PRELID2: variants seen among roughly 807,000 people sequenced by gnomAD.
PRELID2 encodes PRELI domain-containing protein 2.
In PRELID2, 25 loss-of-function variants were observed where a neutral mutation model predicts 28.4. That is an observed-to-expected ratio of 0.88 (90% CI 0.64 to 1.23). PRELID2 has a LOEUF of 1.23. PRELID2 is among the 50% of genes most tolerant of loss of function. The pLI is 0.00. For synonymous variants in PRELID2, 76 were observed against 71.6 expected (o/e 1.06, Z -0.31); for missense variants, 201 against 214.4 (o/e 0.94, Z 0.39).
At chr5:145,408,124 C>G in the PRELID2 span, among the ~76,000 whole-genome samples, 1 of 151,972 alleles carries the variant, frequency 6.6e-6, no homozygotes, top group South Asian at 2.1e-4. Flanking sequence ...AGGAATTACC[C>G]CATGGCAGAA....
chr5:145,743,440 A>G (rs1171503495), intron 1 of PRELID2, among the ~76,000 whole-genome samples: 1 of 151,298 alleles, frequency 6.6e-6, no homozygotes, highest in African/African-American at 2.4e-5. Flanking sequence ...AGAAAGAAAA[A>G]GAGAAAAGGA....
chr5:145,390,614 A>T, the PRELID2 span, among the ~76,000 whole-genome samples: 1 of 152,126 alleles, frequency 6.6e-6, no homozygotes, highest in African/African-American at 2.4e-5. Flanking sequence ...TTGGGTGGGG[A>T]CAGAGCCAAA....
intron 1 of PRELID2, among the ~76,000 whole-genome samples, chr5:145,606,922 C>T (rs1000831456): frequency 6.6e-6 from 1 of 152,028 alleles, no homozygotes; most frequent in Non-Finnish European, 1.5e-5. Flanking sequence ...AATTTTGGAA[C>T]TCATTAGTGG....
At chr5:145,632,749 T>C (rs1233393563) in intron 1 of PRELID2, among the ~76,000 whole-genome samples, 3 of 152,164 alleles carry the variant, frequency 2.0e-5, no homozygotes. Context: ...CTTATGTATG[T>C]AAGATAACCC....
the PRELID2 span, among the ~76,000 whole-genome samples, chr5:145,322,042 T>A: frequency 2.0e-5 from 3 of 152,192 alleles, no homozygotes; most frequent in Admixed American, 6.5e-5. Flanking sequence ...AGAAAAGATA[T>A]TTATTCTAAT....
intron 1 of PRELID2, among the ~76,000 whole-genome samples, chr5:145,581,450 T>G (rs1244335664): frequency 6.6e-6 from 1 of 152,092 alleles, no homozygotes; most frequent in Admixed American, 6.6e-5. Flanking sequence ...AGTTGAGATT[T>G]GCATTAATGC....
In PRELID2 at chr5:145,757,185, T is replaced by G. The variant is rs1757282985; in HGVS notation, c.*3351A>C. Among the ~76,000 whole-genome samples the G allele has an allele frequency of 6.6e-6, 1 of 152,232 alleles. No homozygotes were observed. The highest frequency in any genetic ancestry group is 1.5e-5 in the Non-Finnish European group (1 of 68,038). The stretch of plus-strand genomic sequence containing the variant: ...TGATAAACAAGTATCAGTACATATA[T>G]ACTGCTTATAAAATACACAAAGTAG... On this transcript the variant is annotated 3_prime_UTR_variant, in exon 7 of 7. Transcript: ENST00000683046.
intron 1 of PRELID2, among the ~76,000 whole-genome samples, chr5:145,603,855 T>C (rs1753454132): frequency 6.6e-6 from 1 of 152,022 alleles, no homozygotes; most frequent in Non-Finnish European, 1.5e-5. Context: ...ATTTCTAGGA[T>C]AAACTTTAAA....
chr5:145,416,939 T>G, the PRELID2 span, among the ~76,000 whole-genome samples: 2 of 151,898 alleles, frequency 1.3e-5, no homozygotes, highest in Middle Eastern at 6.8e-3. Context: ...CAAAAGCAAG[T>G]TAGTTACATC....
chr5:145,430,634 G>T, the PRELID2 span, among the ~76,000 whole-genome samples: 1 of 152,090 alleles, frequency 6.6e-6, no homozygotes, highest in Non-Finnish European at 1.5e-5. Flanking sequence ...GTTTCTCATG[G>T]TACCATTTCT....
intron 1 of PRELID2, among the ~76,000 whole-genome samples, chr5:145,558,046 T>C (rs1249767716): frequency 3.3e-5 from 5 of 152,184 alleles, no homozygotes; most frequent in Non-Finnish European, 5.9e-5. Flanking sequence ...GTCATGTCAT[T>C]TAATGAGCAC....
At chr5:145,237,769 A>G in the PRELID2 span, among the ~76,000 whole-genome samples, 2 of 152,034 alleles carry the variant, frequency 1.3e-5, no homozygotes, top group Non-Finnish European at 2.9e-5. Context: ...ACTGATAATA[A>G]AGGATCAGCA....
Position 145,750,479 on chromosome 5 carries a change from G to C in PRELID2, n.70+14452C>G, listed in dbSNP as rs548692136. Among the ~76,000 whole-genome samples, 8 of 152,074 alleles carry C rather than the reference G, an allele frequency of 5.3e-5. No individual in the cohort carries two copies. The South Asian group carries it at 1.5e-3, about 28-fold the overall frequency. On this transcript the variant is annotated intron_variant and non_coding_transcript_variant, in intron 1 of 2. Coordinates refer to the PRELID2 transcript ENST00000510259. ...GCAATCCCTAAATTTCACAGAGCTT[G>C]GTTTGTGGCCATTGCTCAAAAAATA...
intron 1 of PRELID2, among the ~76,000 whole-genome samples, chr5:145,526,980 T>C (rs2126656612): frequency 6.6e-6 from 1 of 152,308 alleles, no homozygotes; most frequent in Admixed American, 6.5e-5. Context: ...CTGAACAATG[T>C]CAAGGATGAA....
the PRELID2 span, among the ~76,000 whole-genome samples, chr5:145,385,637 C>T: frequency 6.6e-6 from 1 of 152,128 alleles, no homozygotes; most frequent in African/African-American, 2.4e-5. Flanking sequence ...AGGACTGTTT[C>T]CTCTTTTACC....
chr5:145,341,319 T>C, the PRELID2 span, among the ~76,000 whole-genome samples: 2 of 152,108 alleles, frequency 1.3e-5, no homozygotes, highest in Non-Finnish European at 2.9e-5. Flanking sequence ...AGATGCTTGG[T>C]GAGGTACAAG....
At chr5:145,341,362 A>T in the PRELID2 span, among the ~76,000 whole-genome samples, 6 of 152,178 alleles carry the variant, frequency 3.9e-5, no homozygotes, top group Non-Finnish European at 8.8e-5. Flanking sequence ...AAAACTTAGA[A>T]AAAACAATTC....
At chr5:145,230,565 C>T in the PRELID2 span, among the ~76,000 whole-genome samples, 10 of 150,924 alleles carry the variant, frequency 6.6e-5, no homozygotes, top group African/African-American at 2.0e-4. Flanking sequence ...GGCAACAGAG[C>T]GAGACTCTGT....
intron 1 of PRELID2, among the ~76,000 whole-genome samples, chr5:145,527,502 C>T (rs1752618660): frequency 6.6e-6 from 1 of 152,158 alleles, no homozygotes; most frequent in South Asian, 2.1e-4. Context: ...ACAAAATAAT[C>T]TTACTTATTG....
Sources: allele counts gnomAD v4.1 joint callset (sites outside exome capture counted in the v4.1 genomes callset), GRCh38; gene constraint gnomAD v4.1.1; transcripts MANE v1.5; gene names NCBI Gene and HGNC (gene_info 2026-07-23, HGNC 2026-07-21).